Variants in COL11A1 observed in about 807,000 individuals in gnomAD.
COL11A1 encodes collagen type XI alpha 1 chain.
Under a neutral mutation model 265.2 loss-of-function variants are expected in COL11A1, and 74 were observed. The ratio of observed to expected loss-of-function variants is 0.28; its 90% CI spans 0.23 to 0.34. The LOEUF is 0.34. Among genes scored for constraint, COL11A1 ranks in the 10% least tolerant of loss-of-function variants. The pLI is 1.00. For missense variants in COL11A1, 2,165 were observed against 2,263.6 expected (o/e 0.96, Z 0.88); for synonymous variants, 816 against 727.6 (o/e 1.12, Z -1.96).
rs376893021 is a variant in COL11A1 at position 103,020,335 on chromosome 1, G to A, written c.1308+1372C>T. On this transcript the variant is annotated intron_variant, in intron 9 of 66. Transcript: ENST00000370096. ...GGTTTTGATTTGCATTTCTCTGATG[G>A]CCAGTGATGATGAGCATTTTTTCAT... 5.1e-5 allele frequency among the ~76,000 whole-genome samples: 7 copies of A among 136,930 alleles called. No homozygotes were observed. The East Asian group carries it at 8.9e-4, about 17-fold the overall frequency. 89.8% of individuals were successfully genotyped at this position (136,930 alleles called of 152,430 possible).
chr1:102,954,808 C>T (rs983412237), intron 41 of COL11A1, among the ~76,000 whole-genome samples: 2 of 150,296 alleles, frequency 1.3e-5, no homozygotes, highest in Admixed American at 6.6e-5. Context: ...TGCGTCACTG[C>T]ATTCCAGACT....
At position 102,970,230 on chromosome 1, in the gene COL11A1, G is replaced by C; in HGVS notation, c.2851C>G (p.Arg951Gly). 6.2e-7 allele frequency: 1 copy of C among 1,611,986 alleles called. No homozygotes were observed. Among genetic ancestry groups the C allele is most frequent in the Non-Finnish European group, 8.5e-7 (1 of 1,178,746 alleles). The stretch of plus-strand genomic sequence containing the variant: ...ACAAGGTCACTTACAGTCTCCCCAC[G>C]TTGCCCAGGGTGTCCTGGCAGCCCA... ...KDGLPGHPGQ[R>G]GETGFQGKTG... The change falls in exon 37 of 67, where the codon CGT becomes GGT. Residue 951 changes from arginine (R) to glycine (G), a missense_variant. By Grantham distance (125) the Arg-to-Gly change is moderately radical. Coordinates refer to ENST00000370096, the MANE Select transcript of COL11A1 (RefSeq NM_001854.4).
intron 24 of COL11A1, among the ~76,000 whole-genome samples, chr1:102,998,752 T>C (rs936224632): frequency 1.3e-5 from 2 of 151,880 alleles, no homozygotes; most frequent in African/African-American, 2.4e-5. Flanking sequence ...TATTAGTAAG[T>C]ACTAATTCAA....
intron 40 of COL11A1, 92 bp from the exon 41 acceptor site, chr1:102,962,011 G>T (rs767278402): frequency 1.3e-5 from 16 of 1,225,986 alleles, no homozygotes; most frequent in Non-Finnish European, 1.9e-5. Flanking sequence ...AGGATGTCAG[G>T]TAATGTTTAT....
intron 8 of COL11A1, among the ~76,000 whole-genome samples, chr1:103,022,271 A>G (rs1667158541): frequency 1.3e-5 from 2 of 152,168 alleles, no homozygotes; most frequent in South Asian, 4.1e-4. Flanking sequence ...AAAAATTAAA[A>G]GAGAGGCATA....
At chr1:103,075,432 C>G (rs888255966) in intron 3 of COL11A1, among the ~76,000 whole-genome samples, 4 of 152,058 alleles carry the variant, frequency 2.6e-5, no homozygotes, top group African/African-American at 9.7e-5. Flanking sequence ...CCAGGGTTGG[C>G]AGATGTGGAA....
chr1:102,899,058 G>T (rs1259807171), intron 54 of COL11A1, 64 bp from the exon 55 acceptor site: 6 of 897,132 alleles, frequency 6.7e-6, no homozygotes, highest in Non-Finnish European at 9.9e-6. Context: ...ATGAGCACTT[G>T]TTTACAAACA....
chr1:103,072,552 G>C (rs1462926560), intron 4 of COL11A1, among the ~76,000 whole-genome samples: 1 of 151,534 alleles, frequency 6.6e-6, no homozygotes, highest in Non-Finnish European at 1.5e-5. Flanking sequence ...TAAGTATATA[G>C]GTATTATAAT....
At chr1:102,885,441 C>T (rs1459835794) in intron 63 of COL11A1, among the ~76,000 whole-genome samples, 1 of 152,054 alleles carries the variant, frequency 6.6e-6, no homozygotes, top group Admixed American at 6.6e-5. Flanking sequence ...AATTGCTTAT[C>T]TTGGTGCTGG....
intron 9 of COL11A1, among the ~76,000 whole-genome samples, chr1:103,021,035 T>C (rs1265208323): frequency 6.7e-6 from 1 of 149,114 alleles, no homozygotes; most frequent in African/African-American, 2.4e-5. Context: ...TTGAAATTTT[T>C]ATGTCCTTAC....
chr1:102,945,278 C>CTCTCTCTT (rs1357828476), intron 42 of COL11A1, among the ~76,000 whole-genome samples: 5 of 150,858 alleles, frequency 3.3e-5, no homozygotes, highest in African/African-American at 1.2e-4. Context: ...CTCTCTCTCT[C>CTCTCTCTT]TCTCTCTCTA....
intron 1 of COL11A1, among the ~76,000 whole-genome samples, chr1:103,084,679 A>T (rs992450782): frequency 1.2e-4 from 19 of 152,178 alleles, no homozygotes; most frequent in Non-Finnish European, 1.5e-5. Context: ...TCACTAAGCA[A>T]GTCAGGACAT....
At chr1:102,914,519 C>T (rs1423586146) in intron 51 of COL11A1, 114 bp from the exon 52 acceptor site, 5 of 1,130,290 alleles carry the variant, frequency 4.4e-6, no homozygotes, top group Non-Finnish European at 6.4e-6. Context: ...GAGAATATTT[C>T]TCTTCTCCCG....
At chr1:102,948,278 C>T (rs971175776) in intron 41 of COL11A1, among the ~76,000 whole-genome samples, 3 of 151,980 alleles carry the variant, frequency 2.0e-5, no homozygotes, top group Non-Finnish European at 1.5e-5. Flanking sequence ...GTTTATAGAG[C>T]TGTTGTAGCA....
At position 103,026,009 on chromosome 1, in the gene COL11A1, T is replaced by C. The variant is rs58786692; in HGVS notation, c.897+207A>G. 2.5e-3 allele frequency: 3,934 copies of C among 1,545,002 alleles called. 82 individuals are homozygous for C. The African/African-American group carries it at 0.046, about 18-fold the overall frequency. On this transcript the variant is annotated intron_variant, in intron 6 of 66. Transcript: ENST00000370096. Reference sequence around the variant, plus strand: ...ACATAAATAAACGAGGAGGGAAATATAGAGCACAGATGAAAGGAAGGCTAA... The same window carrying C: ...ACATAAATAAACGAGGAGGGAAATACAGAGCACAGATGAAAGGAAGGCTAA...
At chr1:102,952,888 T>C (rs911549175) in intron 41 of COL11A1, among the ~76,000 whole-genome samples, 1 of 152,208 alleles carries the variant, frequency 6.6e-6, no homozygotes, top group African/African-American at 2.4e-5. Flanking sequence ...GGAGAAGTTA[T>C]ATTTTTTAAG....
intron 37 of COL11A1, among the ~76,000 whole-genome samples, chr1:102,966,618 AATTT>A (rs1300944739): frequency 1.3e-5 from 2 of 152,136 alleles, no homozygotes; most frequent in East Asian, 3.9e-4. Context: ...AATGTCATAA[AATTT>A]ATTTAGCATT....
intron 9 of COL11A1, among the ~76,000 whole-genome samples, chr1:103,019,966 A>AT (rs1206257043): frequency 7.1e-6 from 1 of 141,296 alleles, no homozygotes; most frequent in Non-Finnish European, 1.5e-5. Context: ...TATGTGCCAC[A>AT]TTTTCTTAAT....
Position 103,001,906 on chromosome 1 carries a change from GAAC to G in COL11A1, c.2142+16_2142+18del, listed in dbSNP as rs762103607. 2 of 1,611,858 alleles carry G rather than the reference GAAC, an allele frequency of 1.2e-6. No homozygotes were observed. The highest frequency in any genetic ancestry group is 1.1e-5 in the South Asian group (1 of 91,006). On this transcript the variant is annotated intron_variant, in intron 24 of 66. Coordinates refer to ENST00000370096, the MANE Select transcript of COL11A1 (RefSeq NM_001854.4). ...CAAACATGTTCACCAGGCTTTACGA[GAAC>G]AACAGAGTAACTTACTTTTTCACCA...
Sources: gnomAD v4.1 joint callset for allele counts (sites outside exome capture counted in the v4.1 genomes callset) on GRCh38, gnomAD v4.1.1 for gene constraint, MANE v1.5 for transcripts, NCBI Gene and HGNC (gene_info 2026-07-23, HGNC 2026-07-21) for gene names.